The following MCU variants were observed in gnomAD, a reference collection of about 807,000 sequenced individuals.
The protein encoded by MCU is calcium uniporter protein, mitochondrial.
In MCU, 12 loss-of-function variants were observed where a neutral mutation model predicts 45.2. The observed-to-expected ratio is 0.27, with a 90% confidence interval of 0.17 to 0.43. The LOEUF (loss-of-function observed/expected upper bound fraction) is 0.43. MCU is among the 20% of genes least tolerant of loss of function. MCU has a pLI of 1.00. For synonymous variants in MCU, 160 were observed against 165.1 expected (o/e 0.97, Z 0.24); for missense variants, 324 against 436.7 (o/e 0.74, Z 2.30).
rs147829197 is a variant in MCU, at chr10:72,775,867, A to G, written c.151-58492A>G. Among the ~76,000 whole-genome samples, 904 of 152,246 alleles carry G rather than the reference A, an allele frequency of 5.9e-3. 11 individuals carry two copies. Among genetic ancestry groups the G allele is most frequent in the African/African-American group, 0.021 (852 of 41,536 alleles). The stretch of plus-strand genomic sequence containing the variant: ...AACCGATCATGAGTAATGAAATAGA[A>G]GCTGTAATAAAATTGGGCCAGGTGC... On this transcript the variant is annotated intron_variant, in intron 1 of 7. Transcript: ENST00000373053.
chr10:72,697,410 C>G (rs1842703146), intron 1 of MCU, among the ~76,000 whole-genome samples: 1 of 148,382 alleles, frequency 6.7e-6, no homozygotes, highest in African/African-American at 2.5e-5. Context: ...AGCCACTGCA[C>G]CCAGGCCAGA....
chr10:72,764,792 A>C (rs891366796), intron 1 of MCU, among the ~76,000 whole-genome samples: 5 of 152,308 alleles, frequency 3.3e-5, no homozygotes, highest in African/African-American at 1.2e-4. Flanking sequence ...ACTTTTGGCT[A>C]TATTAAGAGA....
intron 1 of MCU, among the ~76,000 whole-genome samples, chr10:72,804,526 T>G (rs1182440923): frequency 6.6e-6 from 1 of 152,232 alleles, no homozygotes; most frequent in Non-Finnish European, 1.5e-5. Flanking sequence ...CTTTGATCAC[T>G]TCTTCATGTG....
chr10:72,735,849 A>G (rs1257918059), intron 1 of MCU, among the ~76,000 whole-genome samples: 6 of 152,214 alleles, frequency 3.9e-5, no homozygotes, highest in Admixed American at 2.6e-4. Flanking sequence ...CTTGATATTA[A>G]TATTTGGTAA....
chr10:72,742,496 T>G (rs1266575238), intron 1 of MCU, among the ~76,000 whole-genome samples: 2 of 152,238 alleles, frequency 1.3e-5, no homozygotes, highest in African/African-American at 4.8e-5. Flanking sequence ...TTTTTTAGAC[T>G]TAAGTAAATA....
intron 6 of MCU, among the ~76,000 whole-genome samples, chr10:72,877,441 C>T (rs972809384): frequency 3.3e-5 from 5 of 152,096 alleles, no homozygotes; most frequent in Non-Finnish European, 2.9e-5. Flanking sequence ...ATTCAGACCT[C>T]GATTTTATTC....
chr10:72,748,249 G>A (rs892972913), intron 1 of MCU, among the ~76,000 whole-genome samples: 5 of 152,088 alleles, frequency 3.3e-5, no homozygotes, highest in African/African-American at 9.7e-5. Context: ...GGTTTCACCA[G>A]GTTGGCCAGT....
At chr10:72,735,291 G>A (rs1843238136) in intron 1 of MCU, among the ~76,000 whole-genome samples, 2 of 152,044 alleles carry the variant, frequency 1.3e-5, no homozygotes, top group Non-Finnish European at 1.5e-5. Context: ...ATTGAAAATA[G>A]TTATCAGACT....
At chr10:72,731,272 G>A (rs974553938) in intron 1 of MCU, 8 of 152,180 alleles carry the variant, frequency 5.3e-5, no homozygotes, top group African/African-American at 7.2e-5. Flanking sequence ...AATTAAGGAT[G>A]TGTAGAGATC....
At chr10:72,699,847 C>T (rs1842735238) in intron 1 of MCU, among the ~76,000 whole-genome samples, 1 of 152,002 alleles carries the variant, frequency 6.6e-6, no homozygotes, top group African/African-American at 2.4e-5. Flanking sequence ...GTGTCTTGGC[C>T]TCCCAAAGTA....
At chr10:72,836,258 A>C (rs1844954513) in intron 2 of MCU, among the ~76,000 whole-genome samples, 1 of 152,198 alleles carries the variant, frequency 6.6e-6, no homozygotes, top group South Asian at 2.1e-4. Flanking sequence ...CACATATATC[A>C]ATATATATTC....
chr10:72,737,909 C>A (rs1843273390), intron 1 of MCU, among the ~76,000 whole-genome samples: 1 of 152,038 alleles, frequency 6.6e-6, no homozygotes, highest in African/African-American at 2.4e-5. Context: ...TCTTATATTC[C>A]TAGGAACTCC....
At chr10:72,726,297 G>A (rs1258472783) in intron 1 of MCU, among the ~76,000 whole-genome samples, 1 of 149,228 alleles carries the variant, frequency 6.7e-6, no homozygotes, top group African/African-American at 2.5e-5. Flanking sequence ...AGTTCGTTCT[G>A]TAAAATTGGA....
intron 6 of MCU, among the ~76,000 whole-genome samples, chr10:72,880,357 A>G (rs565856429): frequency 7.2e-5 from 11 of 152,100 alleles, no homozygotes; most frequent in Non-Finnish European, 1.5e-4. Flanking sequence ...TACAAGATCA[A>G]TGTATGTAAA....
At chr10:72,799,467 G>A (rs953464647) in intron 1 of MCU, among the ~76,000 whole-genome samples, 16 of 151,746 alleles carry the variant, frequency 1.1e-4, no homozygotes, top group African/African-American at 3.4e-4. Flanking sequence ...TTGTGTACTC[G>A]TGACAATTTC....
At position 72,837,507 on chromosome 10, in the gene MCU, C is replaced by T. The variant is rs182977532; in HGVS notation, c.220+3079C>T. Among the ~76,000 whole-genome samples the T allele has an allele frequency of 9.9e-5, 15 of 152,174 alleles. No homozygotes were observed. The East Asian group carries it at 1.7e-3, about 18-fold the overall frequency. Reference sequence around the variant, plus strand: ...ATAAGTCAAAGCCTGTTTCCTCATTCGTGAAATGTAGATAGTAATAGTTAA... The same window carrying T: ...ATAAGTCAAAGCCTGTTTCCTCATTTGTGAAATGTAGATAGTAATAGTTAA... On this transcript the variant is annotated intron_variant, in intron 2 of 7. Transcript: ENST00000373053.
At chr10:72,786,122 T>C (rs1266956673) in intron 1 of MCU, among the ~76,000 whole-genome samples, 1 of 152,168 alleles carries the variant, frequency 6.6e-6, no homozygotes, top group African/African-American at 2.4e-5. Context: ...TTTCATTATA[T>C]GTGAGATTGA....
At chr10:72,797,248 G>A (rs1352769684) in intron 1 of MCU, among the ~76,000 whole-genome samples, 1 of 149,028 alleles carries the variant, frequency 6.7e-6, no homozygotes, top group Non-Finnish European at 1.5e-5. Flanking sequence ...TTTTAAGACG[G>A]GATCTCACTC....
At chr10:72,884,133 G>A (rs1261412811) in intron 6 of MCU, 133 bp from the exon 7 acceptor site, 4 of 621,664 alleles carry the variant, frequency 6.4e-6, no homozygotes, top group Non-Finnish European at 5.8e-6. Flanking sequence ...ATGTTCAGGT[G>A]GTGATTAAAT....
Sources: allele counts gnomAD v4.1 joint callset (sites outside exome capture counted in the v4.1 genomes callset), GRCh38; gene constraint gnomAD v4.1.1; transcripts MANE v1.5; gene names NCBI Gene and HGNC (gene_info 2026-07-23, HGNC 2026-07-21).